AUTS2: variants seen among roughly 807,000 people sequenced by gnomAD.
AUTS2 encodes the protein activator of transcription and developmental regulator AUTS2, also known as autism susceptibility gene 2 protein.
Under a neutral mutation model 112.4 loss-of-function variants are expected in AUTS2, and 17 were observed. The ratio of observed to expected loss-of-function variants is 0.15; its 90% CI spans 0.10 to 0.23. The LOEUF is 0.23. Among genes scored for constraint, AUTS2 ranks in the 10% least tolerant of loss-of-function variants. AUTS2 has a pLI of 1.00. For synonymous variants in AUTS2, 751 were observed against 702.7 expected, an observed-to-expected ratio of 1.07 and a Z score of -1.09; for missense variants, 1,510 against 1,701.6, an observed-to-expected ratio of 0.89 and a Z score of 1.98.
At chr7:70,175,632 A>G (rs1808946376) in intron 4 of AUTS2, among the ~76,000 whole-genome samples, 1 of 152,202 alleles carries the variant, frequency 6.6e-6, no homozygotes, top group South Asian at 2.1e-4. Flanking sequence ...CTGATCAGTC[A>G]GCAACCATCA....
chr7:70,111,016 A>G (rs1389704904), intron 2 of AUTS2, among the ~76,000 whole-genome samples: 1 of 151,804 alleles, frequency 6.6e-6, no homozygotes, highest in Non-Finnish European at 1.5e-5. Context: ...CTGGGACTAC[A>G]GGTGCCCACC....
chr7:70,263,568 C>T (rs1787268128), intron 4 of AUTS2, among the ~76,000 whole-genome samples: 1 of 152,150 alleles, frequency 6.6e-6, no homozygotes, highest in Non-Finnish European at 1.5e-5. Context: ...AAGCTCAAAG[C>T]ATTAGTGGTC....
At chr7:69,640,077 T>C (rs1212341125) in intron 1 of AUTS2, among the ~76,000 whole-genome samples, 1 of 152,176 alleles carries the variant, frequency 6.6e-6, no homozygotes, top group Non-Finnish European at 1.5e-5. Context: ...TTCCAGGCCT[T>C]GAATTATTAT....
At chr7:70,057,596 C>T (rs1411689660) in intron 2 of AUTS2, among the ~76,000 whole-genome samples, 1 of 152,100 alleles carries the variant, frequency 6.6e-6, no homozygotes, top group African/African-American at 2.4e-5. Context: ...TTTTTTCATT[C>T]CCATTTTAAT....
chr7:70,052,856 C>T (rs1031933951), intron 2 of AUTS2, among the ~76,000 whole-genome samples: 6 of 152,172 alleles, frequency 3.9e-5, no homozygotes, highest in African/African-American at 1.4e-4. Flanking sequence ...CTTAGAGTCA[C>T]AGCCAGGATT....
intron 4 of AUTS2, among the ~76,000 whole-genome samples, chr7:70,230,944 A>T (rs938367852): frequency 6.6e-6 from 1 of 152,210 alleles, no homozygotes; most frequent in Admixed American, 6.5e-5. Context: ...ACCCACCCCG[A>T]CAGCACTTCT....
At chr7:70,129,422 T>A (rs1462456412) in intron 3 of AUTS2, among the ~76,000 whole-genome samples, 1 of 152,152 alleles carries the variant, frequency 6.6e-6, no homozygotes, top group South Asian at 2.1e-4. Context: ...AATGTTCAAC[T>A]CATCTAAAAA....
intron 1 of AUTS2, among the ~76,000 whole-genome samples, chr7:69,745,541 G>T (rs1003293159): frequency 2.0e-5 from 3 of 152,114 alleles, no homozygotes; most frequent in Admixed American, 6.6e-5. Context: ...CATTACGTCT[G>T]CAAGCTCTCA....
intron 6 of AUTS2, among the ~76,000 whole-genome samples, chr7:70,711,419 G>C (rs776956887): frequency 2.0e-5 from 3 of 152,114 alleles, no homozygotes; most frequent in Non-Finnish European, 4.4e-5. Context: ...ACCTTCACCT[G>C]AGGGCCTCAT....
chr7:70,708,272 A>C (rs891239649), intron 6 of AUTS2, among the ~76,000 whole-genome samples: 3 of 152,216 alleles, frequency 2.0e-5, no homozygotes, highest in Non-Finnish European at 2.9e-5. Flanking sequence ...GCTCCTCCGC[A>C]GGACCTCTTG....
At chr7:69,722,737 T>C (rs1254825821) in intron 1 of AUTS2, among the ~76,000 whole-genome samples, 1 of 152,204 alleles carries the variant, frequency 6.6e-6, no homozygotes, top group Non-Finnish European at 1.5e-5. Flanking sequence ...CCTTTCATCG[T>C]TGATGTGCAG....
In AUTS2 at chr7:70,518,953, C is replaced by G. The variant is rs192996440; in HGVS notation, c.690+83172C>G. On this transcript the variant is annotated intron_variant, in intron 5 of 18. Transcript: ENST00000342771. ...TCTTGGCCTCAAGTGATCTGCCCAC[C>G]TCAGCTTCCCAAAGTGCCGGGATTA... 7.2e-3 allele frequency among the ~76,000 whole-genome samples: 1,098 copies of G among 152,192 alleles called. 9 individuals are homozygous for G. Among genetic ancestry groups the G allele is most frequent in the South Asian group, 0.018 (88 of 4,818 alleles).
intron 2 of AUTS2, among the ~76,000 whole-genome samples, chr7:70,074,755 G>A (rs1008660472): frequency 4.6e-5 from 7 of 152,114 alleles, no homozygotes; most frequent in Non-Finnish European, 7.4e-5. Context: ...TACAGCACAC[G>A]GAAGTAAATC....
At chr7:69,809,144 G>A (rs923658435) in intron 1 of AUTS2, among the ~76,000 whole-genome samples, 18 of 151,814 alleles carry the variant, frequency 1.2e-4, no homozygotes, top group African/African-American at 4.4e-4. Flanking sequence ...GCGCGATCTC[G>A]GCTCACTGCA....
chr7:69,841,262 G>A (rs1043203274), intron 1 of AUTS2, among the ~76,000 whole-genome samples: 3 of 152,172 alleles, frequency 2.0e-5, no homozygotes, highest in South Asian at 2.1e-4. Context: ...AGGCTTTGCA[G>A]GAAGCATGGT....
intron 5 of AUTS2, among the ~76,000 whole-genome samples, chr7:70,553,494 G>A (rs916577081): frequency 4.6e-5 from 7 of 152,086 alleles, no homozygotes; most frequent in Admixed American, 6.5e-5. Flanking sequence ...GTGTTTTTGT[G>A]CTGTGGTCAT....
At chr7:70,050,265 G>A (rs1801687857) in intron 2 of AUTS2, among the ~76,000 whole-genome samples, 1 of 140,918 alleles carries the variant, frequency 7.1e-6, no homozygotes, top group Admixed American at 7.9e-5. Flanking sequence ...GCTGAGGCAG[G>A]AGAATCGCTT....
chr7:70,698,046 G>A (rs1257975690), intron 5 of AUTS2, among the ~76,000 whole-genome samples: 1 of 152,038 alleles, frequency 6.6e-6, no homozygotes, highest in African/African-American at 2.4e-5. Flanking sequence ...AAGGTCGTTT[G>A]GTTACTGCAA....
At chr7:70,762,706 G>A (rs989721477) in intron 6 of AUTS2, among the ~76,000 whole-genome samples, 164 bp from the exon 7 acceptor site, 3 of 152,146 alleles carry the variant, frequency 2.0e-5, no homozygotes, top group African/African-American at 7.2e-5. Flanking sequence ...CATTTGCTGT[G>A]GGCGCATACC....
Sources: gnomAD v4.1 joint callset for allele counts (sites outside exome capture counted in the v4.1 genomes callset) on GRCh38, gnomAD v4.1.1 for gene constraint, MANE v1.5 for transcripts, NCBI Gene and HGNC (gene_info 2026-07-23, HGNC 2026-07-21) for gene names.